The following CMTM4 variants were observed in gnomAD, a reference collection of about 807,000 sequenced individuals.
CMTM4 encodes CKLF like MARVEL transmembrane domain containing 4, also known as CKLF-like MARVEL transmembrane domain-containing protein 4.
A neutral mutation model predicts 19.0 loss-of-function variants in CMTM4; 8 were observed. The observed-to-expected ratio is 0.42, with a 90% CI of 0.25 to 0.76. The LOEUF (loss-of-function observed/expected upper bound fraction) is 0.76, where lower values mean the gene tolerates loss of function less well. CMTM4 is among the 30% of genes least tolerant of loss of function. The pLI, the probability that CMTM4 is intolerant of heterozygous loss-of-function variation, is 0.27. For missense variants in CMTM4, 228 were observed against 290.2 expected, an observed-to-expected ratio of 0.79 and a Z score of 1.56; for synonymous variants, 106 against 121.1, an observed-to-expected ratio of 0.88 and a Z score of 0.82.
the CMTM4 span, chr16:66,604,501 T>TGCCGGG: frequency 4.1e-6 from 1 of 242,854 alleles, no homozygotes; most frequent in South Asian, 1.8e-4. Context: ...TCCGAAGGGG[T>TGCCGGG]GCCGGGGCGG....
At chr16:66,656,026 G>A (rs1402613706) in intron 1 of CMTM4, among the ~76,000 whole-genome samples, 2 of 152,100 alleles carry the variant, frequency 1.3e-5, no homozygotes, top group Non-Finnish European at 2.9e-5. Flanking sequence ...GATCTCTTGA[G>A]CTCAGGAGGT....
At chr16:66,671,660 A>G (rs1415555059) in intron 1 of CMTM4, among the ~76,000 whole-genome samples, 1 of 152,140 alleles carries the variant, frequency 6.6e-6, no homozygotes, top group Non-Finnish European at 1.5e-5. Flanking sequence ...CACCTGACCC[A>G]GGGGCACCAA....
At chr16:66,639,847 G>T (rs1472599729) in intron 1 of CMTM4, among the ~76,000 whole-genome samples, 2 of 151,982 alleles carry the variant, frequency 1.3e-5, no homozygotes, top group African/African-American at 2.4e-5. Context: ...ACAAAACTTT[G>T]TCTCTACTAA....
At chr16:66,612,613 G>A, downstream of CMTM4, 1 of 1,614,066 alleles carries the variant, frequency 6.2e-7, no homozygotes, top group Non-Finnish European at 8.5e-7. The surrounding 1 kb of genome is among the most constrained non-coding windows in gnomAD (Gnocchi z 6.0). Context: ...TTTCAGAAGA[G>A]AATTCCGACT....
At chr16:66,609,686 T>C in the CMTM4 span, 1 of 1,541,348 alleles carries the variant, frequency 6.5e-7, no homozygotes, top group Non-Finnish European at 8.7e-7. This position sits in a 1 kb window ranked among gnomAD's most constrained non-coding sequence, Gnocchi z 4.4. Context: ...AAAGACTGAC[T>C]CTACCCGGGG....
chr16:66,666,474 A>G (rs564754502), intron 1 of CMTM4, among the ~76,000 whole-genome samples: 57 of 152,294 alleles, frequency 3.7e-4, no homozygotes, highest in African/African-American at 1.3e-3. Context: ...AATAAAATAA[A>G]AAAGAAGAAG....
intron 2 of CMTM4, among the ~76,000 whole-genome samples, chr16:66,628,983 ATTATC>A (rs2015798204): frequency 6.6e-6 from 1 of 152,088 alleles, no homozygotes; most frequent in Admixed American, 6.5e-5. Flanking sequence ...TAAATTATCT[ATTATC>A]TTCTAGTTTT....
chr16:66,619,801 G>A lies in CMTM4; in HGVS notation c.*2257C>T, dbSNP rs993988534. On this transcript the variant is annotated 3_prime_UTR_variant, in exon 4 of 4. Transcript: ENST00000394106. ...TTACAAAACCACCGAGGAGCCTCACGGCACAAAGGATATTAAATAGTTACA... is the reference window on the plus strand; with the variant it reads ...TTACAAAACCACCGAGGAGCCTCACAGCACAAAGGATATTAAATAGTTACA... The A allele has an allele frequency of 7.1e-6, 7 of 985,308 alleles. No homozygotes were observed. The highest frequency in any genetic ancestry group is 4.7e-5 in the South Asian group (1 of 21,280). The allele number at this position is 985,308 out of a possible 1,614,324, so 61.0% of individuals were successfully genotyped here. A position where few individuals can be genotyped will look rare whatever the true frequency, so the allele number is the denominator to read the frequency against.
At chr16:66,666,556 A>G (rs1034684399) in intron 1 of CMTM4, among the ~76,000 whole-genome samples, 30 of 152,254 alleles carry the variant, frequency 2.0e-4, no homozygotes, top group African/African-American at 7.2e-4. Context: ...TATATAAAGA[A>G]TTCTCAAAAT....
At chr16:66,614,162 A>G (rs2144765215), downstream of CMTM4, among the ~76,000 whole-genome samples, 1 of 152,338 alleles carries the variant, frequency 6.6e-6, no homozygotes, top group East Asian at 1.9e-4. This position sits in a 1 kb window ranked among gnomAD's most constrained non-coding sequence, Gnocchi z 4.9. Context: ...TCAGGCGGTA[A>G]TGCCGTTGCT....
intron 1 of CMTM4, among the ~76,000 whole-genome samples, chr16:66,690,091 T>G (rs772284047): frequency 5.3e-5 from 8 of 152,182 alleles, no homozygotes; most frequent in Non-Finnish European, 7.3e-5. Context: ...GGAAGACAAC[T>G]CCTAAAGATA....
intron 1 of CMTM4, among the ~76,000 whole-genome samples, chr16:66,685,468 C>G (rs2017013596): frequency 6.6e-6 from 1 of 151,978 alleles, no homozygotes; most frequent in Admixed American, 6.6e-5. Context: ...GGGTAGGCCA[C>G]ACGTGTGGTG....
chr16:66,600,112 T>G, the CMTM4 span, among the ~76,000 whole-genome samples: 14 of 146,576 alleles, frequency 9.6e-5, no homozygotes, highest in East Asian at 6.0e-4. Context: ...AGCCATCCTT[T>G]TGTGTGTGTG....
intron 1 of CMTM4, among the ~76,000 whole-genome samples, chr16:66,694,462 C>T (rs2017193971): frequency 6.6e-6 from 1 of 152,144 alleles, no homozygotes; most frequent in South Asian, 2.1e-4. Flanking sequence ...GTAATCCCAG[C>T]ACTTTGGGAG....
At chr16:66,601,231 T>C in the CMTM4 span, among the ~76,000 whole-genome samples, 1 of 152,120 alleles carries the variant, frequency 6.6e-6, no homozygotes, top group Admixed American at 6.6e-5. Context: ...TTTGCCAGAG[T>C]TCTTGTCTTG....
chr16:66,612,490 G>C, downstream of CMTM4: 1 of 995,546 alleles, frequency 1.0e-6, no homozygotes, highest in Non-Finnish European at 1.5e-6. This position sits in a 1 kb window ranked among gnomAD's most constrained non-coding sequence, Gnocchi z 6.0. Flanking sequence ...GGTAGAGTCA[G>C]CTGCAGGAGG....
chr16:66,691,053 G>T (rs1304727868), intron 1 of CMTM4, among the ~76,000 whole-genome samples: 1 of 152,110 alleles, frequency 6.6e-6, no homozygotes, highest in Non-Finnish European at 1.5e-5. Context: ...GAAGTTCGAG[G>T]TTACAGTGAG....
intron 1 of CMTM4, among the ~76,000 whole-genome samples, chr16:66,656,032 G>C (rs1049900394): frequency 3.3e-5 from 5 of 152,140 alleles, no homozygotes; most frequent in Admixed American, 3.3e-4. Flanking sequence ...TTGAGCTCAG[G>C]AGGTCAAGGC....
intron 1 of CMTM4, among the ~76,000 whole-genome samples, chr16:66,647,998 C>CT (rs1401571576): frequency 6.6e-6 from 1 of 152,232 alleles, no homozygotes; most frequent in East Asian, 1.9e-4. Context: ...TAAAAGACAG[C>CT]TGTCATTAGG....
Sources: allele counts gnomAD v4.1 joint callset (sites outside exome capture counted in the v4.1 genomes callset), GRCh38; gene constraint gnomAD v4.1.1; non-coding constraint Gnocchi (gnomAD v3.1); transcripts MANE v1.5; gene names NCBI Gene and HGNC (gene_info 2026-07-23, HGNC 2026-07-21).